UNK: variants seen among roughly 807,000 people sequenced by gnomAD.
The protein encoded by UNK is RING finger protein unkempt homolog.
A neutral mutation model predicts 97.6 loss-of-function variants in UNK; 32 were observed. That is an observed-to-expected ratio of 0.33 (90% CI 0.25 to 0.44). The LOEUF (loss-of-function observed/expected upper bound fraction) is 0.44, where lower values mean the gene tolerates loss of function less well. UNK is among the 20% of genes least tolerant of loss of function. The pLI, the probability that UNK is intolerant of heterozygous loss-of-function variation, is 1.00. For synonymous variants in UNK, 441 were observed against 461.2 expected (o/e 0.96, Z 0.56); for missense variants, 771 against 1,098.4 (o/e 0.70, Z 4.21).
rs2062014017 is a variant in UNK, at chr17:75,816,144, G to T, written c.962-626G>T. 6.6e-6 allele frequency among the ~76,000 whole-genome samples: 1 copy of T among 152,144 alleles called. No homozygotes were observed. The highest frequency in any genetic ancestry group is 6.5e-5 in the Admixed American group (1 of 15,280). On this transcript the variant is annotated intron_variant, in intron 7 of 15. Transcript: ENST00000589666. This position sits in a 1 kb window ranked among gnomAD's most constrained non-coding sequence, Gnocchi z 4.0. ...GCCACATGTGGCTTTCGGCTGCCTT[G>T]TGGGACAGTGTGGGTCTGGATCCTC...
chr17:75,802,450 T>G (rs1487109476), intron 1 of UNK, among the ~76,000 whole-genome samples: 1 of 151,840 alleles, frequency 6.6e-6, no homozygotes, highest in Non-Finnish European at 1.5e-5. Context: ...ACTGTTTTAG[T>G]GATGGGGTCT....
intron 1 of UNK, among the ~76,000 whole-genome samples, chr17:75,791,493 C>T (rs180912486): frequency 3.3e-5 from 5 of 152,332 alleles, no homozygotes; most frequent in South Asian, 4.1e-4. Context: ...GGAAGCGTTG[C>T]TGAGCAACCT....
chr17:75,818,674 C>T lies in UNK; in HGVS notation c.1404C>T (p.Pro468=). The change falls in exon 11 of 16, where the codon CCC becomes CCT. Residue 468 remains proline, a synonymous_variant. Transcript: ENST00000589666. The surrounding 1 kb of genome is among the most constrained non-coding windows in gnomAD (Gnocchi z 5.1). ...TGGGCATCCTCCCCGCAGGCAGCCC[C>T]CTGACCTCAAGCATCTCTTCTAGTA... ...DMLGILPAGS[P]LTSSISSSIT... is the part of the protein sequence containing the mutation. 6.2e-7 allele frequency: 1 copy of T among 1,608,866 alleles called. No individual in the cohort carries two copies. The highest frequency in any genetic ancestry group is 8.5e-7 in the Non-Finnish European group (1 of 1,177,114).
intron 1 of UNK, among the ~76,000 whole-genome samples, chr17:75,787,285 C>A (rs938358752): frequency 2.0e-5 from 3 of 152,096 alleles, no homozygotes; most frequent in Non-Finnish European, 4.4e-5. Flanking sequence ...CATCTCAGCT[C>A]ACTGTAGCCT....
intron 13 of UNK, chr17:75,821,293 G>A (rs1228497851): frequency 4.6e-6 from 2 of 437,208 alleles, no homozygotes; most frequent in Admixed American, 5.0e-5. Flanking sequence ...GAGCACAGGT[G>A]TATTGATACA....
At chr17:75,806,970 T>C (rs1286464337) in intron 1 of UNK, among the ~76,000 whole-genome samples, 1 of 152,198 alleles carries the variant, frequency 6.6e-6, no homozygotes, top group Non-Finnish European at 1.5e-5. Context: ...TCTGTCCTGA[T>C]CTGTGAGAGC....
At chr17:75,803,744 C>T (rs2061884887) in intron 1 of UNK, among the ~76,000 whole-genome samples, 1 of 152,180 alleles carries the variant, frequency 6.6e-6, no homozygotes, top group African/African-American at 2.4e-5. Flanking sequence ...TTCTGATGTG[C>T]CCTGCCGCGC....
chr17:75,800,385 A>G (rs528413324), intron 1 of UNK, among the ~76,000 whole-genome samples: 25 of 151,436 alleles, frequency 1.7e-4, no homozygotes, highest in East Asian at 3.9e-4. Context: ...CATTTTTTCA[A>G]TGGTTGAAAA....
rs140295491 is a variant in UNK at position 75,806,399 on chromosome 17, C to T, written c.105-3361C>T. ...GCTTGAACCTGGGAGGCAGAGGTTG[C>T]GGTGAGTGAGCCAAGATCGCACCAC... is the stretch of plus-strand genomic sequence containing the variant. On this transcript the variant is annotated intron_variant, in intron 1 of 15. Transcript: ENST00000589666. Among the ~76,000 whole-genome samples, 811 of 149,510 alleles carry T rather than the reference C, an allele frequency of 5.4e-3. 5 individuals are homozygous for T. Among genetic ancestry groups the T allele is most frequent in the African/African-American group, 0.018 (732 of 40,546 alleles).
At chr17:75,793,439 C>G (rs1847981139) in intron 1 of UNK, 2 of 985,070 alleles carry the variant, frequency 2.0e-6, no homozygotes, top group African/African-American at 3.5e-5. Flanking sequence ...TTTTTCTTTG[C>G]CAGTGTGTAG....
chr17:75,816,641 A>C lies in UNK; in HGVS notation c.962-129A>C. The C allele has an allele frequency of 1.7e-3, 1,858 of 1,108,970 alleles. No homozygotes were observed. Among genetic ancestry groups the C allele is most frequent in the Non-Finnish European group, 2.1e-3 (1,674 of 807,180 alleles). The allele number at this position is 1,108,970 out of a possible 1,614,324, so 68.7% of individuals were successfully genotyped here. A position where few individuals can be genotyped will look rare whatever the true frequency, so the allele number is the denominator to read the frequency against. On this transcript the variant is annotated intron_variant, in intron 7 of 15. Transcript: ENST00000589666. The surrounding 1 kb of genome is among the most constrained non-coding windows in gnomAD (Gnocchi z 4.0). ...GTAAATGCACAGACATGGTGTTACT[A>C]GAGATGTCGTAGGAACCTTCCCTTT...
chr17:75,805,882 CAATG>C (rs772349040), intron 1 of UNK, among the ~76,000 whole-genome samples: 33 of 150,668 alleles, frequency 2.2e-4, no homozygotes, highest in Non-Finnish European at 4.1e-4. Flanking sequence ...TCAGAATTAA[CAATG>C]AACATTTGTA....
rs1287270217 is a variant in UNK, at chr17:75,822,535, G to A, written c.1896G>A (p.Pro632=). ...WEHFASGSFS[P]GTSPAFLSGP... ...ATTTTGCCTCTGGAAGCTTCTCCCCGGGCACTTCCCCCGCTTTCCTATCAG... is the reference window on the plus strand; with the variant it reads ...ATTTTGCCTCTGGAAGCTTCTCCCCAGGCACTTCCCCCGCTTTCCTATCAG... Residue 632 remains proline, a synonymous_variant, in exon 14 of 16, where the codon CCG becomes CCA. Transcript: ENST00000589666. 16 of 1,613,604 alleles carry A rather than the reference G, an allele frequency of 9.9e-6. No homozygotes were observed. The East Asian group carries it at 2.0e-4, about 20-fold the overall frequency.
At chr17:75,811,996 A>AAAAC (rs545478129) in intron 2 of UNK, 116 bp from the exon 3 acceptor site, 4 of 1,321,970 alleles carry the variant, frequency 3.0e-6, no homozygotes, top group East Asian at 2.5e-5. Flanking sequence ...AAAACAAAAC[A>AAAAC]AAACAAACAA....
intron 1 of UNK, among the ~76,000 whole-genome samples, chr17:75,808,081 T>C (rs547740929): frequency 2.8e-4 from 42 of 152,292 alleles, no homozygotes; most frequent in African/African-American, 9.9e-4. Context: ...TCAGGAAAGT[T>C]CCTTCTCTCC....
At chr17:75,793,552 G>A in intron 1 of UNK, 3 of 985,298 alleles carry the variant, frequency 3.0e-6, no homozygotes, top group Non-Finnish European at 3.6e-6. Flanking sequence ...CTTTTTTCCT[G>A]TTGGTGGCTC....
chr17:75,795,909 A>T (rs2061801829), intron 1 of UNK, among the ~76,000 whole-genome samples: 1 of 152,174 alleles, frequency 6.6e-6, no homozygotes, highest in East Asian at 1.9e-4. Context: ...AGTTCCAGTG[A>T]GCCCCAGTGA....
intron 1 of UNK, chr17:75,791,789 A>G: frequency 1.0e-6 from 1 of 985,434 alleles, no homozygotes; most frequent in Non-Finnish European, 1.2e-6. Flanking sequence ...AGGCTTCCCC[A>G]CAACCCATAT....
intron 1 of UNK, chr17:75,793,776 G>C (rs938150148): frequency 1.0e-6 from 1 of 985,204 alleles, no homozygotes; most frequent in Non-Finnish European, 1.2e-6. Flanking sequence ...CTTTTAATAA[G>C]GAGGGGGAAG....
Sources: gnomAD v4.1 joint callset for allele counts (sites outside exome capture counted in the v4.1 genomes callset) on GRCh38, gnomAD v4.1.1 for gene constraint, Gnocchi (gnomAD v3.1) non-coding constraint, MANE v1.5 for transcripts, NCBI Gene and HGNC (gene_info 2026-07-23, HGNC 2026-07-21) for gene names.